Variants in TMTC1 observed in about 807,000 individuals in gnomAD.
TMTC1 encodes transmembrane O-mannosyltransferase targeting cadherins 1.
A neutral mutation model predicts 104.8 loss-of-function variants in TMTC1; 73 were observed. The observed-to-expected ratio is 0.70, with a 90% CI of 0.58 to 0.85. The LOEUF is 0.85. Among genes scored for constraint, TMTC1 ranks in the 40% least tolerant of loss-of-function variants. The probability of loss-of-function intolerance (pLI) is 0.00; values close to 1 mark genes in which losing one functional copy is unlikely to be tolerated. For synonymous variants in TMTC1, 434 were observed against 428.7 expected (o/e 1.01, Z -0.15); for missense variants, 1,035 against 1,096.1 (o/e 0.94, Z 0.79).
intron 5 of TMTC1, among the ~76,000 whole-genome samples, chr12:29,638,849 C>T (rs1057510641): frequency 2.0e-5 from 3 of 152,236 alleles, no homozygotes; most frequent in African/African-American, 7.2e-5. Flanking sequence ...ATCTGTCCTG[C>T]TCCCTCCCAG....
At chr12:29,569,685 A>AAC (rs1945613504) in intron 9 of TMTC1, among the ~76,000 whole-genome samples, 1 of 152,218 alleles carries the variant, frequency 6.6e-6, no homozygotes. Flanking sequence ...ATTTCTTAAA[A>AAC]AACAACAACA....
chr12:29,516,514 G>C (rs201318590), intron 14 of TMTC1, 28 bp from the exon 15 acceptor site: 280 of 1,602,850 alleles, frequency 1.7e-4, no homozygotes, highest in Non-Finnish European at 1.9e-4. Flanking sequence ...CCTTGGCTTA[G>C]CAGAGACTTC....
intron 5 of TMTC1, chr12:29,659,958 A>G: frequency 6.5e-7 from 1 of 1,535,892 alleles, no homozygotes; most frequent in Non-Finnish European, 8.7e-7. Flanking sequence ...CATTATCCAC[A>G]GACGGAAGTA....
At chr12:29,620,805 A>G (rs1056111143) in intron 6 of TMTC1, among the ~76,000 whole-genome samples, 2 of 152,208 alleles carry the variant, frequency 1.3e-5, no homozygotes, top group South Asian at 4.1e-4. Context: ...TCAGCACAGG[A>G]AAAAGGTGGC....
At chr12:29,586,046 C>A (rs921973172) in intron 7 of TMTC1, among the ~76,000 whole-genome samples, 1 of 152,036 alleles carries the variant, frequency 6.6e-6, no homozygotes, top group Non-Finnish European at 1.5e-5. Context: ...GCCATTTTCA[C>A]GATATTGATT....
In TMTC1 at chr12:29,506,732, C is replaced by A; in HGVS notation, c.*114G>T. ...GTCCCAAAATGTGTCACCCTGAACT[C>A]GGAATGAGAGAAAATCTCATTAGTT... On this transcript the variant is annotated 3_prime_UTR_variant, in exon 18 of 18. Transcript: ENST00000539277. The A allele has an allele frequency of 1.5e-6, 2 of 1,363,754 alleles. No individual in the cohort carries two copies. Among genetic ancestry groups the A allele is most frequent in the Admixed American group, 1.8e-5 (1 of 56,040 alleles). The allele number at this position is 1,363,754 out of a possible 1,614,324, so 84.5% of individuals were successfully genotyped here.
chr12:29,697,142 A>G (rs985903952), intron 5 of TMTC1, among the ~76,000 whole-genome samples: 29 of 152,212 alleles, frequency 1.9e-4, no homozygotes, highest in Non-Finnish European at 4.4e-5. Flanking sequence ...CAAGTGAATG[A>G]AGGAAAAAAA....
chr12:29,545,973 G>GCACT (rs1944932667), intron 10 of TMTC1, among the ~76,000 whole-genome samples: 2 of 152,292 alleles, frequency 1.3e-5, no homozygotes, highest in African/African-American at 4.8e-5. Flanking sequence ...GCAGTTGGAG[G>GCACT]CACTGCAAGG....
intron 7 of TMTC1, among the ~76,000 whole-genome samples, chr12:29,589,869 T>G (rs1412561253): frequency 1.3e-5 from 2 of 152,212 alleles, no homozygotes; most frequent in African/African-American, 4.8e-5. Flanking sequence ...ATTAAAAATT[T>G]TAAACCTCAT....
chr12:29,534,168 A>G (rs1407621310), intron 11 of TMTC1: 2 of 152,248 alleles, frequency 1.3e-5, no homozygotes, highest in Non-Finnish European at 2.9e-5. Flanking sequence ...ATGTTAAGCT[A>G]GGTGGGTTTT....
At position 29,783,389 on chromosome 12, in the gene TMTC1, T is replaced by G; in HGVS notation, c.302+61A>C. 1 of 1,257,700 alleles carries G rather than the reference T, an allele frequency of 8.0e-7. No individual in the cohort carries two copies. The highest frequency in any genetic ancestry group is 1.0e-6 in the Non-Finnish European group (1 of 997,178). 77.9% of individuals were successfully genotyped at this position (1,257,700 alleles called of 1,614,324 possible). On this transcript the variant is annotated intron_variant, in intron 1 of 17. Coordinates refer to ENST00000539277, the MANE Select transcript of TMTC1 (RefSeq NM_001193451.2). The surrounding 1 kb of genome is among the most constrained non-coding windows in gnomAD (Gnocchi z 4.7). ...AAGTCAGTCCCGCAACTTCTCCCGG[T>G]CCGAGGGACGGGCGGAGGGTAGAGG...
chr12:29,749,706 C>G (rs1943041660), intron 5 of TMTC1, among the ~76,000 whole-genome samples: 1 of 152,028 alleles, frequency 6.6e-6, no homozygotes, highest in South Asian at 2.1e-4. Flanking sequence ...TATTCTCTCC[C>G]CAACCCCCAG....
chr12:29,558,400 A>C (rs139078639), intron 9 of TMTC1, among the ~76,000 whole-genome samples: 10 of 152,292 alleles, frequency 6.6e-5, no homozygotes, highest in Non-Finnish European at 1.2e-4. Flanking sequence ...TTCCTATTAA[A>C]AGGACAGGGA....
At chr12:29,561,640 A>C (rs1242591977) in intron 9 of TMTC1, among the ~76,000 whole-genome samples, 1 of 152,172 alleles carries the variant, frequency 6.6e-6, no homozygotes, top group African/African-American at 2.4e-5. Context: ...AATAAAATCA[A>C]GTTTTGAATT....
chr12:29,666,151 T>C (rs79437323), intron 5 of TMTC1: 1 of 430,342 alleles, frequency 2.3e-6, no homozygotes, highest in South Asian at 1.7e-5. Flanking sequence ...TATAGCAAGA[T>C]GATCAATAAA....
At chr12:29,751,570 G>C in intron 5 of TMTC1, 96 bp downstream of exon 5, 3 of 1,285,376 alleles carry the variant, frequency 2.3e-6, no homozygotes, top group Non-Finnish European at 3.4e-6. Context: ...GTCACAGTGT[G>C]CTGACTCAGT....
intron 11 of TMTC1, among the ~76,000 whole-genome samples, chr12:29,531,288 C>T (rs958741109): frequency 6.6e-6 from 1 of 152,184 alleles, no homozygotes; most frequent in Non-Finnish European, 1.5e-5. Flanking sequence ...TCAAATATAG[C>T]ATTTGTAGGA....
At chr12:29,586,345 T>C (rs534201473) in intron 7 of TMTC1, among the ~76,000 whole-genome samples, 212 of 152,292 alleles carry the variant, frequency 1.4e-3, no homozygotes, top group Non-Finnish European at 2.4e-3. Flanking sequence ...GCTGAGATGA[T>C]GGGGTTTTCT....
At chr12:29,592,370 A>C (rs750226256) in intron 7 of TMTC1, among the ~76,000 whole-genome samples, 5 of 152,214 alleles carry the variant, frequency 3.3e-5, no homozygotes, top group Non-Finnish European at 5.9e-5. Context: ...CCAAGAAAAG[A>C]ATCCCCAAAG....
Sources: allele counts gnomAD v4.1 joint callset (sites outside exome capture counted in the v4.1 genomes callset), GRCh38; gene constraint gnomAD v4.1.1; non-coding constraint Gnocchi (gnomAD v3.1); transcripts MANE v1.5; gene names NCBI Gene and HGNC (gene_info 2026-07-23, HGNC 2026-07-21).